The following TAOK3 variants were observed in gnomAD, a reference collection of about 807,000 sequenced individuals.
TAOK3 encodes serine/threonine-protein kinase TAO3.
Under a neutral mutation model 120.4 loss-of-function variants are expected in TAOK3, and 40 were observed. That is an observed-to-expected ratio of 0.33 (90% CI 0.26 to 0.43). The LOEUF (loss-of-function observed/expected upper bound fraction) is 0.43. Ranked by LOEUF, TAOK3 falls within the 20% of genes least tolerant of loss-of-function variation. The pLI, the probability that TAOK3 is intolerant of heterozygous loss-of-function variation, is 1.00. For missense variants in TAOK3, 821 were observed against 1,112.1 expected (o/e 0.74, Z 3.72); for synonymous variants, 355 against 387.5 (o/e 0.92, Z 0.99).
At chr12:118,361,165 T>C (rs2045585923) in intron 1 of TAOK3, among the ~76,000 whole-genome samples, 1 of 152,184 alleles carries the variant, frequency 6.6e-6, no homozygotes, top group Non-Finnish European at 1.5e-5. Flanking sequence ...AATGCCCCCG[T>C]ACTGAATTTT....
chr12:118,275,978 G>A (rs12319261), intron 1 of TAOK3, among the ~76,000 whole-genome samples: 4,530 of 152,254 alleles, frequency 0.03, 193 homozygotes, highest in African/African-American at 0.093. Flanking sequence ...GAAGGCCAGC[G>A]TGGGTAAGGG....
At chr12:118,324,634 C>A (rs1003141790) in intron 1 of TAOK3, among the ~76,000 whole-genome samples, 5 of 151,048 alleles carry the variant, frequency 3.3e-5, no homozygotes, top group African/African-American at 1.2e-4. Flanking sequence ...CCCACATGAG[C>A]GAGAACATGC....
chr12:118,273,310 C>T (rs794310), intron 1 of TAOK3, among the ~76,000 whole-genome samples: 2 of 151,808 alleles, frequency 1.3e-5, no homozygotes, highest in South Asian at 2.1e-4. Flanking sequence ...AGACCATCCT[C>T]GCTAACACGG....
At chr12:118,322,338 G>GAAAA (rs2043745660) in intron 1 of TAOK3, among the ~76,000 whole-genome samples, 1 of 143,908 alleles carries the variant, frequency 6.9e-6, no homozygotes, top group Non-Finnish European at 1.5e-5. Flanking sequence ...AAAAAAAATT[G>GAAAA]AAGAAAGACA....
chr12:118,304,555 T>C (rs549351142), intron 1 of TAOK3, among the ~76,000 whole-genome samples: 8 of 152,330 alleles, frequency 5.3e-5, no homozygotes, highest in East Asian at 3.9e-4. Context: ...TCCCTAAATA[T>C]TCTTCAACAA....
At chr12:118,335,190 A>C (rs978407464) in intron 1 of TAOK3, among the ~76,000 whole-genome samples, 39 of 152,122 alleles carry the variant, frequency 2.6e-4, no homozygotes, top group African/African-American at 9.2e-4. Context: ...GTCTCAAAAA[A>C]AAAAAAAAAA....
At chr12:118,250,086 T>C (rs1389209078) in intron 3 of TAOK3, among the ~76,000 whole-genome samples, 1 of 152,164 alleles carries the variant, frequency 6.6e-6, no homozygotes, top group Non-Finnish European at 1.5e-5. Flanking sequence ...GTACAGTTTC[T>C]TACTACCTCA....
chr12:118,156,466 C>A (rs905289460), intron 19 of TAOK3, among the ~76,000 whole-genome samples: 1 of 152,102 alleles, frequency 6.6e-6, no homozygotes, highest in Non-Finnish European at 1.5e-5. Flanking sequence ...TTCCTCTAAC[C>A]GCTCTTCCTA....
chr12:118,294,103 A>G (rs2042585853), intron 1 of TAOK3, among the ~76,000 whole-genome samples: 3 of 152,136 alleles, frequency 2.0e-5, no homozygotes, highest in South Asian at 2.1e-4. Flanking sequence ...TCTATTTTAT[A>G]TATGTATATT....
intron 1 of TAOK3, among the ~76,000 whole-genome samples, chr12:118,343,406 G>A (rs562400426): frequency 8.9e-5 from 13 of 145,608 alleles, no homozygotes; most frequent in South Asian, 4.4e-4. Context: ...CAGCCTAGGC[G>A]ACAGAGTGAG....
intron 9 of TAOK3, among the ~76,000 whole-genome samples, chr12:118,217,939 C>T (rs191721591): frequency 1.4e-5 from 2 of 142,866 alleles, no homozygotes; most frequent in East Asian, 4.4e-4. Context: ...AGGCTCACTG[C>T]AACCTCTGCC....
Position 118,170,847 on chromosome 12 carries a change from T to G in TAOK3, c.1899+1610A>C, listed in dbSNP as rs1001336407. The stretch of plus-strand genomic sequence containing the variant: ...AGAGCCTGAGCCTGGCCTACATGTG[T>G]TCAATACATTTTAGTTTGCTTCACC... On this transcript the variant is annotated intron_variant, in intron 17 of 20. Transcript: ENST00000392533. Among the ~76,000 whole-genome samples, 5 of 152,324 alleles carry G rather than the reference T, an allele frequency of 3.3e-5. No homozygotes were observed. The South Asian group carries it at 1.0e-3, about 32-fold the overall frequency.
At chr12:118,157,260 C>T (rs1437516585) in intron 19 of TAOK3, among the ~76,000 whole-genome samples, 1 of 152,208 alleles carries the variant, frequency 6.6e-6, no homozygotes, top group Non-Finnish European at 1.5e-5. Context: ...TTCTTCCCAT[C>T]TCCCAGGCCA....
intron 2 of TAOK3, among the ~76,000 whole-genome samples, chr12:118,261,250 A>C (rs1171793298): frequency 6.6e-6 from 1 of 152,240 alleles, no homozygotes; most frequent in African/African-American, 2.4e-5. Flanking sequence ...ATATTAGGAC[A>C]GAAAAAATTA....
At position 118,201,472 on chromosome 12, in the gene TAOK3, G is replaced by A; in HGVS notation, c.820-9C>T. 1.3e-6 allele frequency: 2 copies of A among 1,596,328 alleles called. No individual in the cohort carries two copies. The highest frequency in any genetic ancestry group is 1.7e-6 in the Non-Finnish European group (2 of 1,170,674). On this transcript the variant is annotated splice_polypyrimidine_tract_variant and intron_variant, in intron 11 of 20. Coordinates refer to ENST00000392533, the MANE Select transcript of TAOK3 (RefSeq NM_016281.4). ...CGTCGAACAAAGTCATGCTGATTGAGGGAGGAGGAAAAAATAAACTGATAA... is the reference window on the plus strand; with the variant it reads ...CGTCGAACAAAGTCATGCTGATTGAAGGAGGAGGAAAAAATAAACTGATAA...
At chr12:118,294,609 C>T (rs968122614) in intron 1 of TAOK3, among the ~76,000 whole-genome samples, 1 of 152,058 alleles carries the variant, frequency 6.6e-6, no homozygotes, top group Non-Finnish European at 1.5e-5. Context: ...GTCTTGAACT[C>T]CTGACCTCAG....
intron 1 of TAOK3, among the ~76,000 whole-genome samples, chr12:118,332,013 AG>A (rs2044172317): frequency 6.6e-6 from 1 of 152,056 alleles, no homozygotes; most frequent in African/African-American, 2.4e-5. Context: ...TTAGTAAAGG[AG>A]GGGTTTCGCC....
intron 11 of TAOK3, among the ~76,000 whole-genome samples, chr12:118,205,672 G>A (rs1297060518): frequency 6.6e-6 from 1 of 152,092 alleles, no homozygotes; most frequent in Admixed American, 6.6e-5. Context: ...GTGCAGTGGT[G>A]CAATCTCAGC....
intron 14 of TAOK3, among the ~76,000 whole-genome samples, chr12:118,187,825 G>C (rs896243996): frequency 6.6e-6 from 1 of 152,212 alleles, no homozygotes; most frequent in Non-Finnish European, 1.5e-5. Flanking sequence ...ACTGGTTGCA[G>C]CTGTTCTCTG....
Sources: allele counts gnomAD v4.1 joint callset (sites outside exome capture counted in the v4.1 genomes callset), GRCh38; gene constraint gnomAD v4.1.1; transcripts MANE v1.5; gene names NCBI Gene and HGNC (gene_info 2026-07-23, HGNC 2026-07-21).